Variants in FUT9 observed in about 807,000 individuals in gnomAD.
FUT9 encodes the protein 4-galactosyl-N-acetylglucosaminide 3-alpha-L-fucosyltransferase 9.
Under a neutral mutation model 29.7 loss-of-function variants are expected in FUT9, and 15 were observed. The observed-to-expected ratio is 0.51, with a 90% CI of 0.34 to 0.78. The LOEUF (loss-of-function observed/expected upper bound fraction) is 0.78, where lower values mean the gene tolerates loss of function less well. FUT9 is among the 30% of genes least tolerant of loss of function. The pLI, the probability that FUT9 is intolerant of heterozygous loss-of-function variation, is 0.01. For missense variants in FUT9, 319 were observed against 425.4 expected (o/e 0.75, Z 2.20); for synonymous variants, 169 against 153.7 (o/e 1.10, Z -0.74).
chr6:96,107,254 C>T (rs896764791), intron 1 of FUT9, among the ~76,000 whole-genome samples: 1 of 152,138 alleles, frequency 6.6e-6, no homozygotes, highest in African/African-American at 2.4e-5. Context: ...CATAAGACAA[C>T]CATAAATGTG....
intron 2 of FUT9, among the ~76,000 whole-genome samples, chr6:96,123,009 G>A (rs974536254): frequency 7.2e-6 from 1 of 138,952 alleles, no homozygotes. Context: ...GCAGTGAGCC[G>A]AGATCGCGCC....
In FUT9 at chr6:96,169,403, A is replaced by G. The variant is rs191642076; in HGVS notation, c.-8-33745A>G. On this transcript the variant is annotated intron_variant, in intron 2 of 2. Transcript: ENST00000302103. ...AAAGAACTCAGCATAGTTATGGCAC[A>G]TAGTAAGTACTCAATGAATCTCAGG... Among the ~76,000 whole-genome samples, 278 of 152,360 alleles carry G rather than the reference A, an allele frequency of 1.8e-3. 2 individuals are homozygous for G. The highest frequency in any genetic ancestry group is 4.5e-3 in the African/African-American group (188 of 41,596).
chr6:96,077,207 T>C (rs1771153732), intron 1 of FUT9, among the ~76,000 whole-genome samples: 1 of 152,076 alleles, frequency 6.6e-6, no homozygotes, highest in Non-Finnish European at 1.5e-5. Context: ...GAGGTTAGGA[T>C]CCTCACAGTT....
intron 1 of FUT9, among the ~76,000 whole-genome samples, chr6:96,107,266 AG>A (rs1262806931): frequency 6.6e-6 from 1 of 152,222 alleles, no homozygotes; most frequent in African/African-American, 2.4e-5. Flanking sequence ...ATAAATGTGT[AG>A]GAACAACAGC....
intron 2 of FUT9, among the ~76,000 whole-genome samples, chr6:96,193,073 A>C (rs192449306): frequency 0.14 from 21,771 of 150,744 alleles, 1,761 homozygotes; most frequent in Non-Finnish European, 0.18. Flanking sequence ...TAAAGACTTA[A>C]ATGTTAGACC....
chr6:96,152,931 T>C (rs1019228027), intron 2 of FUT9, among the ~76,000 whole-genome samples: 1 of 152,168 alleles, frequency 6.6e-6, no homozygotes, highest in Non-Finnish European at 1.5e-5. Context: ...AAGCTGAGCT[T>C]TGCCTCACAG....
chr6:96,129,928 G>A (rs867447489), intron 2 of FUT9, among the ~76,000 whole-genome samples: 6 of 151,912 alleles, frequency 3.9e-5, no homozygotes, highest in Non-Finnish European at 5.9e-5. Context: ...CATTTTTCCT[G>A]TTATGCCTTG....
rs1773833352 is a variant in FUT9, at chr6:96,206,530, T to C, written c.*2295T>C. 2 of 166,954 alleles carry C rather than the reference T, an allele frequency of 1.2e-5. No individual in the cohort carries two copies. The highest frequency in any genetic ancestry group is 2.9e-5 in the Non-Finnish European group (2 of 68,202). The allele number at this position is 166,954 out of a possible 1,614,324, so 10.3% of individuals were successfully genotyped here. On this transcript the variant is annotated 3_prime_UTR_variant, in exon 3 of 3. Coordinates refer to ENST00000302103, the MANE Select transcript of FUT9 (RefSeq NM_006581.4). ...CAGGCCGGAGTGCAGTGGTGCAGTC[T>C]CGGCTCACTGCAACCTCGGCCTCCC...
At chr6:96,125,599 C>T (rs577121310) in intron 2 of FUT9, among the ~76,000 whole-genome samples, 4 of 152,244 alleles carry the variant, frequency 2.6e-5, no homozygotes, top group East Asian at 3.9e-4. Flanking sequence ...AACTACAGCT[C>T]GGCAAGATGA....
intron 1 of FUT9, among the ~76,000 whole-genome samples, chr6:96,091,625 T>C (rs551038439): frequency 8.5e-5 from 13 of 152,226 alleles, no homozygotes; most frequent in Admixed American, 7.9e-4. Context: ...AATGTCATAA[T>C]ACTTGCAATG....
chr6:96,089,996 G>A (rs1383450381), intron 1 of FUT9, among the ~76,000 whole-genome samples: 1 of 152,026 alleles, frequency 6.6e-6, no homozygotes, highest in African/African-American at 2.4e-5. Flanking sequence ...ATTATAGGAA[G>A]ACTTGACAAA....
intron 1 of FUT9, among the ~76,000 whole-genome samples, chr6:96,079,802 C>A (rs749703982): frequency 7.2e-5 from 11 of 152,026 alleles, no homozygotes; most frequent in Admixed American, 3.3e-4. Context: ...ACAATGTTAG[C>A]TATCAAAGTC....
chr6:96,058,469 A>AAAAAC (rs1770815214), intron 1 of FUT9, among the ~76,000 whole-genome samples: 1 of 20,606 alleles, frequency 4.9e-5, no homozygotes, highest in Non-Finnish European at 9.3e-5. Context: ...GCTTTATTCC[A>AAAAAC]AAAAAAAAAA....
chr6:96,092,394 T>TA (rs201109311), intron 1 of FUT9, among the ~76,000 whole-genome samples: 3,897 of 152,106 alleles, frequency 0.026, 184 homozygotes, highest in African/African-American at 0.089. Flanking sequence ...AACAAGTATA[T>TA]TAAAAAAGAA....
intron 1 of FUT9, among the ~76,000 whole-genome samples, chr6:96,074,245 A>C (rs1771109010): frequency 6.6e-6 from 1 of 152,174 alleles, no homozygotes; most frequent in African/African-American, 2.4e-5. Flanking sequence ...AGCCGTTTAC[A>C]TAAAATTTGA....
intron 1 of FUT9, among the ~76,000 whole-genome samples, chr6:96,038,513 T>C (rs1770402122): frequency 6.6e-6 from 1 of 152,180 alleles, no homozygotes. Flanking sequence ...ATTTTTTCTA[T>C]TATGCTTTTA....
intron 2 of FUT9, among the ~76,000 whole-genome samples, chr6:96,196,052 T>G (rs1773618667): frequency 6.6e-6 from 1 of 152,160 alleles, no homozygotes; most frequent in African/African-American, 2.4e-5. Context: ...ATTATGGATA[T>G]ATTTTGAAGG....
At chr6:96,035,725 A>C (rs1222445680) in intron 1 of FUT9, among the ~76,000 whole-genome samples, 1 of 137,670 alleles carries the variant, frequency 7.3e-6, no homozygotes, top group Non-Finnish European at 1.5e-5. Context: ...ATACTAATAA[A>C]TATAACATAT....
At position 96,204,222 on chromosome 6, in the gene FUT9, G is replaced by T; in HGVS notation, c.1067G>T (p.Trp356Leu). The T allele has an allele frequency of 1.4e-6, 2 of 1,433,306 alleles. No homozygotes were observed. Among genetic ancestry groups the T allele is most frequent in the South Asian group, 1.9e-5 (1 of 53,128 alleles). The allele number at this position is 1,433,306 out of a possible 1,614,324, so 88.8% of individuals were successfully genotyped here. A position where few individuals can be genotyped will look rare whatever the true frequency, so the allele number is the denominator to read the frequency against. The stretch of plus-strand genomic sequence containing the variant: ...AAGTCTGTTGGTAATTTAGAGAAAT[G>T]GTTTTGGAATTAAAATTTTTCATCA... ...EYKSVGNLEKWFWN is the reference protein window; with the variant it reads ...EYKSVGNLEKLFWN The change falls in exon 3 of 3, where the codon TGG becomes TTG. Residue 356 changes from tryptophan to leucine, a missense_variant. Physicochemically the swap from Trp to Leu is moderately conservative, Grantham distance 61. Coordinates refer to ENST00000302103, the MANE Select transcript of FUT9 (RefSeq NM_006581.4).
Sources: allele counts gnomAD v4.1 joint callset (sites outside exome capture counted in the v4.1 genomes callset), GRCh38; gene constraint gnomAD v4.1.1; transcripts MANE v1.5; gene names NCBI Gene and HGNC (gene_info 2026-07-23, HGNC 2026-07-21).